FGGY: variants seen among roughly 807,000 people sequenced by gnomAD.
FGGY encodes the protein FGGY carbohydrate kinase domain-containing protein.
A neutral mutation model predicts 71.3 loss-of-function variants in FGGY; 72 were observed. That is an observed-to-expected ratio of 1.01 (90% CI 0.84 to 1.23). The LOEUF is 1.23. Ranked by LOEUF, FGGY falls within the 50% of genes most tolerant of loss-of-function variation. FGGY has a pLI of 0.00. For missense variants in FGGY, 668 were observed against 682.3 expected (o/e 0.98, Z 0.23); for synonymous variants, 251 against 250.3 (o/e 1.00, Z -0.02).
intron 6 of FGGY, among the ~76,000 whole-genome samples, chr1:59,507,684 A>ATTTTTTTTTTTTTTTTTTTTTT (rs561953004): frequency 1.9e-4 from 20 of 106,900 alleles, no homozygotes; most frequent in African/African-American, 6.9e-4. Flanking sequence ...TGCTTGGCTA[A>ATTTTTTTTTTTTTTTTTTTTTT]TTTTTTTTTT....
chr1:59,406,056 T>C (rs1259189130), intron 5 of FGGY, among the ~76,000 whole-genome samples: 2 of 152,022 alleles, frequency 1.3e-5, no homozygotes, highest in Admixed American at 1.3e-4. Flanking sequence ...TTCTATCTCC[T>C]ATTTTCCAGG....
chr1:59,638,757 C>T (rs189606128), intron 11 of FGGY, among the ~76,000 whole-genome samples: 1 of 152,358 alleles, frequency 6.6e-6, no homozygotes, highest in Non-Finnish European at 1.5e-5. Context: ...TTGCTGGCCA[C>T]AGCCACACAT....
intron 5 of FGGY, among the ~76,000 whole-genome samples, chr1:59,407,483 G>A (rs1043189934): frequency 3.3e-5 from 5 of 152,036 alleles, no homozygotes; most frequent in African/African-American, 7.3e-5. Context: ...GAAAGCAGCC[G>A]GTGCCTCTTG....
At chr1:59,719,720 A>C (rs1442451236) in intron 14 of FGGY, among the ~76,000 whole-genome samples, 2 of 152,204 alleles carry the variant, frequency 1.3e-5, no homozygotes, top group Non-Finnish European at 2.9e-5. Flanking sequence ...CATGTTAATC[A>C]CTTACTATAG....
chr1:59,721,947 G>A (rs2097900582), intron 14 of FGGY, among the ~76,000 whole-genome samples: 1 of 152,186 alleles, frequency 6.6e-6, no homozygotes, highest in Admixed American at 6.5e-5. Context: ...CACAGTAATA[G>A]AAGCAAAGCG....
chr1:59,716,105 G>A (rs1328298081), intron 14 of FGGY, among the ~76,000 whole-genome samples: 1 of 152,168 alleles, frequency 6.6e-6, no homozygotes, highest in Non-Finnish European at 1.5e-5. Flanking sequence ...ATTTTAAGTA[G>A]GTTAGCTGGG....
In FGGY at chr1:59,735,100, G is replaced by A. The variant is rs144848636; in HGVS notation, c.1513-22831G>A. ...GGCACAAAGACCAGGTGATGGTGGG[G>A]CAGGGGTAGAGAGAGGGATGGGAAG... On this transcript the variant is annotated intron_variant, in intron 14 of 15. Coordinates refer to ENST00000303721, the MANE Select transcript of FGGY (RefSeq NM_018291.5). Among the ~76,000 whole-genome samples, 337 of 152,252 alleles carry A rather than the reference G, an allele frequency of 2.2e-3. 3 individuals are homozygous for A. The highest frequency in any genetic ancestry group is 3.7e-3 in the Non-Finnish European group (255 of 68,014).
chr1:59,667,478 G>T (rs2097336381), intron 13 of FGGY, 75 bp downstream of exon 13: 1 of 1,548,196 alleles, frequency 6.5e-7, no homozygotes, highest in Admixed American at 1.8e-5. Flanking sequence ...TCTGGGTGAA[G>T]TGAGAATAGG....
At chr1:59,626,764 A>G (rs1314322000) in intron 10 of FGGY, 1 of 152,212 alleles carries the variant, frequency 6.6e-6, no homozygotes, top group Non-Finnish European at 1.5e-5. Flanking sequence ...TTGAGGCAGG[A>G]GAATTGCTCA....
chr1:59,482,144 A>C (rs2093493737), intron 6 of FGGY, among the ~76,000 whole-genome samples: 2 of 152,140 alleles, frequency 1.3e-5, no homozygotes, highest in Admixed American at 1.3e-4. Context: ...CTGAAAATTC[A>C]GTTTATAGGG....
At chr1:59,313,838 C>G (rs1173792266) in intron 1 of FGGY, among the ~76,000 whole-genome samples, 4 of 152,128 alleles carry the variant, frequency 2.6e-5, no homozygotes, top group African/African-American at 7.2e-5. Flanking sequence ...GGATATAAGA[C>G]TGCAAACAAA....
intron 8 of FGGY, among the ~76,000 whole-genome samples, chr1:59,592,767 A>C (rs1238835321): frequency 7.3e-6 from 1 of 137,046 alleles, no homozygotes; most frequent in African/African-American, 2.9e-5. Context: ...GGGGAACATC[A>C]CACTCTGGGG....
intron 1 of FGGY, among the ~76,000 whole-genome samples, chr1:59,303,992 C>G (rs564036620): frequency 3.6e-4 from 55 of 151,822 alleles, no homozygotes; most frequent in South Asian, 2.7e-3. Flanking sequence ...GATTTTAAGC[C>G]CTTATTGGGA....
chr1:59,418,813 A>G (rs564932720), intron 5 of FGGY, among the ~76,000 whole-genome samples: 2 of 152,266 alleles, frequency 1.3e-5, no homozygotes, highest in South Asian at 4.1e-4. Flanking sequence ...CTTTCACACA[A>G]CTTTGTCCTT....
chr1:59,555,357 C>T (rs2095668524), intron 8 of FGGY, among the ~76,000 whole-genome samples: 1 of 152,202 alleles, frequency 6.6e-6, no homozygotes, highest in South Asian at 2.1e-4. Flanking sequence ...GTCCCACTTC[C>T]TCAGTTTACT....
intron 14 of FGGY, among the ~76,000 whole-genome samples, chr1:59,695,028 A>T (rs181443531): frequency 1.5e-4 from 23 of 152,360 alleles, no homozygotes; most frequent in Admixed American, 1.4e-3. Flanking sequence ...CCCATAGCCA[A>T]GACAATCAAG....
chr1:59,443,909 G>T (rs951027367), intron 5 of FGGY, among the ~76,000 whole-genome samples: 1 of 152,190 alleles, frequency 6.6e-6, no homozygotes, highest in Non-Finnish European at 1.5e-5. Context: ...GGACCGTGAA[G>T]CAAAGGGGTT....
At chr1:59,526,654 C>G (rs1489251483) in intron 7 of FGGY, among the ~76,000 whole-genome samples, 4 of 152,160 alleles carry the variant, frequency 2.6e-5, no homozygotes, top group African/African-American at 9.7e-5. Context: ...TTTTAAGAAG[C>G]AGTAGTAGAA....
At chr1:59,756,391 C>A (rs1485906377) in intron 14 of FGGY, among the ~76,000 whole-genome samples, 2 of 152,164 alleles carry the variant, frequency 1.3e-5, no homozygotes, top group African/African-American at 4.8e-5. Context: ...CATAGAGCAA[C>A]CTAGCAGGAG....
Sources: gnomAD v4.1 joint callset for allele counts (sites outside exome capture counted in the v4.1 genomes callset) on GRCh38, gnomAD v4.1.1 for gene constraint, MANE v1.5 for transcripts, NCBI Gene and HGNC (gene_info 2026-07-23, HGNC 2026-07-21) for gene names.